The following EPB41L2 variants were observed in gnomAD, a reference collection of about 807,000 sequenced individuals.
The protein encoded by EPB41L2 is erythrocyte membrane protein band 4.1 like 2, also known as band 4.1-like protein 2.
A neutral mutation model predicts 113.0 loss-of-function variants in EPB41L2; 43 were observed. That is an observed-to-expected ratio of 0.38 (90% confidence interval 0.30 to 0.49). The LOEUF (loss-of-function observed/expected upper bound fraction) is 0.49, where lower values mean the gene tolerates loss of function less well. EPB41L2 is among the 20% of genes least tolerant of loss of function. EPB41L2 has a pLI of 0.95. For synonymous variants in EPB41L2, 442 were observed against 436.7 expected (o/e 1.01, Z -0.15); for missense variants, 1,147 against 1,223.4 (o/e 0.94, Z 0.93).
rs758721894 is a variant in EPB41L2 at position 130,899,583 on chromosome 6, G to A, written c.1149-5C>T. 7 of 1,612,012 alleles carry A rather than the reference G, an allele frequency of 4.3e-6. No individual in the cohort carries two copies. The Admixed American group carries it at 1.2e-4, about 27-fold the overall frequency. Reference sequence around the variant, plus strand: ...GCTTGTGCTGGCGATAAGCCCCTGAGAATCAAAAGAAACAGTATTATCTTA... The same window carrying A: ...GCTTGTGCTGGCGATAAGCCCCTGAAAATCAAAAGAAACAGTATTATCTTA... On this transcript the variant is annotated splice_region_variant and splice_polypyrimidine_tract_variant and intron_variant, in intron 7 of 19. Transcript: ENST00000337057.
intron 1 of EPB41L2, among the ~76,000 whole-genome samples, chr6:130,980,277 CA>C (rs1779101525): frequency 6.6e-6 from 1 of 151,802 alleles, no homozygotes. Context: ...GTAATAACTA[CA>C]AAAAGTCTAG....
At chr6:131,040,735 G>A (rs973393614) in intron 1 of EPB41L2, among the ~76,000 whole-genome samples, 2 of 152,144 alleles carry the variant, frequency 1.3e-5, no homozygotes, top group South Asian at 2.1e-4. Context: ...TGAGATAACT[G>A]CATTATGTGG....
At chr6:130,870,210 T>G in intron 14 of EPB41L2, 84 bp from the exon 15 acceptor site, 1 of 1,534,290 alleles carries the variant, frequency 6.5e-7, no homozygotes, top group Non-Finnish European at 8.8e-7. Flanking sequence ...CGATGGCAGA[T>G]TCATGTCATG....
intron 1 of EPB41L2, among the ~76,000 whole-genome samples, chr6:131,023,712 T>C (rs1260820779): frequency 8.2e-6 from 1 of 121,986 alleles, no homozygotes; most frequent in Non-Finnish European, 1.8e-5. Flanking sequence ...AAAAAATGTG[T>C]GCGTGTGTGT....
chr6:131,003,813 A>G lies in EPB41L2; in HGVS notation c.-14-47314T>C, dbSNP rs1458392390. On this transcript the variant is annotated intron_variant, in intron 1 of 19. Coordinates refer to ENST00000337057, the MANE Select transcript of EPB41L2 (RefSeq NM_001431.4). ...TTTTTCAAAAGCATGGGCAGGTTAT[A>G]TCGGAAAAAAAGAGGAGAATAATTT... Among the ~76,000 whole-genome samples, 3 of 152,216 alleles carry G rather than the reference A, an allele frequency of 2.0e-5. No individual in the cohort carries two copies. In the South Asian group the frequency reaches 6.2e-4, roughly 31 times the overall value.
chr6:130,869,826 G>A lies in EPB41L2; in HGVS notation c.2344C>T (p.Arg782Cys), dbSNP rs776044538. ...CTCTCTACTACCTTGGCTGCCGGGC[G>A]GGGTTCTTCCTCCACCTCTTCTTCA... ...EYEEEVEEEP[R>C]PAAKVVEREE... Residue 782 changes from arginine to cysteine, a missense_variant, in exon 15 of 20, where the codon CGC (arginine) becomes TGC (cysteine). Transcript: ENST00000337057. The A allele has an allele frequency of 1.1e-5, 18 of 1,613,706 alleles. No individual in the cohort carries two copies. The highest frequency in any genetic ancestry group is 2.2e-5 in the East Asian group (1 of 44,858).
chr6:130,987,695 AAATG>A (rs3031721), intron 1 of EPB41L2, among the ~76,000 whole-genome samples: 79,009 of 148,108 alleles, frequency 0.53, 21,442 homozygotes, highest in Admixed American at 0.57. Flanking sequence ...TCTGTCTCAT[AAATG>A]AATGAATGAA....
At chr6:131,032,224 T>TGG (rs1792309605) in intron 1 of EPB41L2, among the ~76,000 whole-genome samples, 1 of 151,328 alleles carries the variant, frequency 6.6e-6, no homozygotes, top group Non-Finnish European at 1.5e-5. Flanking sequence ...ACTGGTATAG[T>TGG]GGTTTACAAA....
At chr6:130,971,047 C>T (rs1776647166) in intron 1 of EPB41L2, among the ~76,000 whole-genome samples, 1 of 152,118 alleles carries the variant, frequency 6.6e-6, no homozygotes, top group Non-Finnish European at 1.5e-5. Context: ...CATGCACTGC[C>T]ACGCCCAGCT....
chr6:131,036,394 T>A (rs113415324), intron 1 of EPB41L2, among the ~76,000 whole-genome samples: 1 of 151,666 alleles, frequency 6.6e-6, no homozygotes, highest in African/African-American at 2.4e-5. Context: ...AGCAAGAGAG[T>A]GGCATAATAA....
intron 3 of EPB41L2, among the ~76,000 whole-genome samples, chr6:130,941,137 A>G (rs1024494376): frequency 3.3e-5 from 5 of 152,226 alleles, no homozygotes; most frequent in African/African-American, 1.2e-4. Context: ...TTTTGAGAGG[A>G]AATTTGTAAA....
Position 130,995,999 on chromosome 6 carries a change from A to G in EPB41L2, c.-14-39500T>C, listed in dbSNP as rs551866378. 3.2e-4 allele frequency among the ~76,000 whole-genome samples: 48 copies of G among 152,340 alleles called. No homozygotes were observed. In the South Asian group the frequency reaches 8.1e-3, roughly 26 times the overall value. ...TTTCCTGTTCTATTATCTGTATATC[A>G]TAAGTAAATATTCTTCCCACTGGAC... On this transcript the variant is annotated intron_variant, in intron 1 of 19. Coordinates refer to ENST00000337057, the MANE Select transcript of EPB41L2 (RefSeq NM_001431.4).
intron 1 of EPB41L2, among the ~76,000 whole-genome samples, chr6:130,980,671 C>G (rs376881561): frequency 1.1e-4 from 17 of 152,248 alleles, no homozygotes; most frequent in African/African-American, 3.1e-4. Flanking sequence ...CTCCAGCAGA[C>G]CATACCACAC....
chr6:131,039,827 A>T (rs1487340419), intron 1 of EPB41L2, among the ~76,000 whole-genome samples: 1 of 152,154 alleles, frequency 6.6e-6, no homozygotes, highest in East Asian at 1.9e-4. Flanking sequence ...GATACTCAAA[A>T]AGAGAAACAC....
At chr6:130,908,010 G>A (rs1798228566) in intron 5 of EPB41L2, among the ~76,000 whole-genome samples, 1 of 152,188 alleles carries the variant, frequency 6.6e-6, no homozygotes, top group African/African-American at 2.4e-5. Context: ...CCAACTGCCT[G>A]TAGCTGCCTA....
chr6:131,021,918 C>T (rs1170870784), intron 1 of EPB41L2, among the ~76,000 whole-genome samples: 3 of 152,012 alleles, frequency 2.0e-5, no homozygotes, highest in Non-Finnish European at 2.9e-5. Context: ...GGACTGGTTT[C>T]GTGGAAGATA....
intron 1 of EPB41L2, among the ~76,000 whole-genome samples, chr6:130,973,868 T>C (rs1304785145): frequency 1.3e-5 from 2 of 152,312 alleles, no homozygotes; most frequent in East Asian, 3.9e-4. Context: ...TGTCGTCAGG[T>C]ATTCAGGGTT....
intron 1 of EPB41L2, among the ~76,000 whole-genome samples, chr6:131,014,524 A>C (rs1005722608): frequency 5.3e-5 from 8 of 152,212 alleles, no homozygotes; most frequent in Admixed American, 1.3e-4. Context: ...GCCAAAATTC[A>C]ATCTGTGACC....
Position 130,904,474 on chromosome 6 carries a change from T to C in EPB41L2, c.920A>G (p.Asp307Gly), listed in dbSNP as rs765339754. ...YPPDPSQLTE[D>G]ITRYFLCLQL... is the part of the protein sequence containing the mutation. ...TGCAAATATAAAGTACCTGGTGATA[T>C]CTTCAGTCAATTGAGAAGGATCAGG... Residue 307 changes from aspartate to glycine, a missense_variant, in exon 6 of 20, where the codon GAT (aspartate) becomes GGT (glycine). Asp to Gly is a moderately conservative substitution (Grantham distance 94, BLOSUM62 -1). Coordinates refer to ENST00000337057, the MANE Select transcript of EPB41L2 (RefSeq NM_001431.4). 6 of 1,585,624 alleles carry C rather than the reference T, an allele frequency of 3.8e-6. No homozygotes were observed. The highest frequency in any genetic ancestry group is 5.2e-6 in the Non-Finnish European group (6 of 1,161,236).
Sources: gnomAD v4.1 joint callset for allele counts (sites outside exome capture counted in the v4.1 genomes callset) on GRCh38, gnomAD v4.1.1 for gene constraint, MANE v1.5 for transcripts, NCBI Gene and HGNC (gene_info 2026-07-23, HGNC 2026-07-21) for gene names.